The following SDR39U1 variants were observed in gnomAD, a reference collection of about 807,000 sequenced individuals.
SDR39U1 encodes the protein epimerase family protein SDR39U1.
SDR39U1 carries 29 observed loss-of-function variants against 31.7 expected under a neutral mutation model. The observed-to-expected ratio is 0.92, with a 90% CI of 0.68 to 1.25. SDR39U1 has a LOEUF of 1.25. Among genes scored for constraint, SDR39U1 ranks in the 50% most tolerant of loss-of-function variants. The probability of loss-of-function intolerance (pLI) is 0.00; values close to 1 mark genes in which losing one functional copy is unlikely to be tolerated. For synonymous variants in SDR39U1, 147 were observed against 159.0 expected (o/e 0.92, Z 0.57); for missense variants, 403 against 378.4 (o/e 1.06, Z -0.54).
intron 4 of SDR39U1, 138 bp from the exon 5 acceptor site, chr14:24,441,064 C>T (rs1222393294): frequency 1.0e-6 from 1 of 955,338 alleles, no homozygotes; most frequent in South Asian, 1.4e-5. Context: ...GGATATTTTC[C>T]CCTTGAACTT....
chr14:24,442,279 A>T lies in SDR39U1; in HGVS notation c.124-19T>A, dbSNP rs750253683. 100 of 1,604,882 alleles carry T rather than the reference A, an allele frequency of 6.2e-5. No individual in the cohort carries two copies. The highest frequency in any genetic ancestry group is 8.2e-5 in the Non-Finnish European group (96 of 1,176,446). On this transcript the variant is annotated intron_variant, in intron 2 of 5. Transcript: ENST00000399395. ...GCTCATCCTGTCGGAGAAAGCACAC[A>T]GTGCCCCTGCCCCGCCCTGCGCCGC...
At chr14:24,441,940 T>C (rs550809764) in intron 3 of SDR39U1, 145 bp from the exon 4 acceptor site, 1 of 1,342,318 alleles carries the variant, frequency 7.4e-7, no homozygotes, top group African/African-American at 1.4e-5. Context: ...ACGTCTCCTG[T>C]AGAGGGAAAG....
chr14:24,442,385 C>T lies in SDR39U1; in HGVS notation c.84G>A (p.Thr28=). 1 of 1,612,074 alleles carries T rather than the reference C, an allele frequency of 6.2e-7. No individual in the cohort carries two copies. The highest frequency in any genetic ancestry group is 8.5e-7 in the Non-Finnish European group (1 of 1,179,056). Residue 28 remains threonine (T), a synonymous_variant, in exon 2 of 6, where the codon ACG becomes ACA. Coordinates refer to ENST00000399395, the MANE Select transcript of SDR39U1 (RefSeq NM_020195.3). Reference sequence around the variant, plus strand: ...CGGGCCCGGGCTTTCGGGAGACCAACGTCACTTCGTGGCCTCTGGCATTCA... The same window carrying T: ...CGGGCCCGGGCTTTCGGGAGACCAATGTCACTTCGTGGCCTCTGGCATTCA... ...QLLNARGHEV[T]LVSRKPGPGR... is the part of the protein sequence containing the mutation.
rs370349450 is a variant in SDR39U1, at chr14:24,442,219, G to C, written c.165C>G (p.Ala55=). 1.2e-5 allele frequency: 19 copies of C among 1,611,758 alleles called. No homozygotes were observed. The East Asian group carries it at 2.7e-4, about 23-fold the overall frequency. Residue 55 remains alanine (A), a synonymous_variant, in exon 3 of 6, where the codon GCC becomes GCG. Transcript: ENST00000399395. The part of the protein sequence containing the change: ...AASGLPSCDA[A]VNLAGENILN... Reference sequence around the variant, plus strand: ...GGATGTTCTCTCCGGCCAGGTTGACGGCGGCATCGCAGCTCGGCAGCCCCG... The same window carrying C: ...GGATGTTCTCTCCGGCCAGGTTGACCGCGGCATCGCAGCTCGGCAGCCCCG...
rs748218061 is a variant in SDR39U1, at chr14:24,442,753, C to T, written c.16+1G>A. 2 of 1,614,066 alleles carry T rather than the reference C, an allele frequency of 1.2e-6. No individual in the cohort carries two copies. Among genetic ancestry groups the T allele is most frequent in the Admixed American group, 1.7e-5 (1 of 60,032 alleles). On this transcript the variant is annotated splice_donor_variant, in intron 1 of 5. Coordinates refer to ENST00000399395, the MANE Select transcript of SDR39U1 (RefSeq NM_020195.3). LOFTEE classifies it high-confidence loss of function. ...CACTCTCCCTTTCTGCCCTCCCTCA[C>T]CCACAAGCACACGCATAGCGACTAG...
intron 4 of SDR39U1, 81 bp downstream of exon 4, chr14:24,441,593 C>G: frequency 8.2e-7 from 1 of 1,222,762 alleles, no homozygotes; most frequent in Non-Finnish European, 1.1e-6. Flanking sequence ...GACCAGTGCT[C>G]TGGTGTGTGC....
In SDR39U1 at chr14:24,442,405, C is replaced by T. The variant is rs2043376765; in HGVS notation, c.64G>A (p.Ala22Thr). ...IGTALTQLLN[A>T]RGHEVTLVSR... ...ACCAACGTCACTTCGTGGCCTCTGGCATTCAGCAGCTGGGTTAGGGCTGTC... is the reference window on the plus strand; with the variant it reads ...ACCAACGTCACTTCGTGGCCTCTGGTATTCAGCAGCTGGGTTAGGGCTGTC... The change falls in exon 2 of 6, where the codon GCC becomes ACC. Residue 22 changes from alanine (A) to threonine (T), a missense_variant. Transcript: ENST00000399395. 2.5e-6 allele frequency: 4 copies of T among 1,611,436 alleles called. No individual in the cohort carries two copies. The South Asian group carries it at 3.3e-5, about 13-fold the overall frequency.
In SDR39U1 at chr14:24,440,324, A is replaced by C; in HGVS notation, c.641T>G (p.Val214Gly). 4 of 1,613,776 alleles carry C rather than the reference A, an allele frequency of 2.5e-6. No homozygotes were observed. Among genetic ancestry groups the C allele is most frequent in the Non-Finnish European group, 3.4e-6 (4 of 1,179,852 alleles). Residue 214 changes from valine (V) to glycine (G), a missense_variant, in exon 6 of 6, where the codon GTC (valine) becomes GGC (glycine). Physicochemically the swap from Val to Gly is moderately radical, Grantham distance 109. Coordinates refer to ENST00000399395, the MANE Select transcript of SDR39U1 (RefSeq NM_020195.3). ...GGAGGATGGAGCCACTCCATTCAGG[A>C]CCCCGTGCACGTGGTTTGCTTCAAG... ...HALEANHVHGVLNGVAPSSAT... is the reference protein window; with the variant it reads ...HALEANHVHGGLNGVAPSSAT...
At chr14:24,441,630 G>C (rs781238250) in intron 4 of SDR39U1, 44 bp downstream of exon 4, 2 of 1,523,512 alleles carry the variant, frequency 1.3e-6, no homozygotes, top group Non-Finnish European at 1.8e-6. Context: ...GAGTTACCCC[G>C]TTCCCCTGGC....
At chr14:24,442,818 C>G (rs780107233), upstream of SDR39U1, 17 of 1,607,994 alleles carry the variant, frequency 1.1e-5, no homozygotes, top group African/African-American at 2.1e-4. Context: ...TTTACCTCAC[C>G]TCAGACGCGA....
In SDR39U1 at chr14:24,442,460, GA is replaced by G; in HGVS notation, c.17-9del. The stretch of plus-strand genomic sequence containing the variant: ...TGAAGCCTGTCCCGCCACCTGATCG[GA>G]AAATACAAATTGTTTATATTCCCGT... On this transcript the variant is annotated splice_polypyrimidine_tract_variant and intron_variant, in intron 1 of 5. Transcript: ENST00000399395. 6.3e-7 allele frequency: 1 copy of G among 1,592,622 alleles called. No homozygotes were observed. The highest frequency in any genetic ancestry group is 1.1e-5 in the South Asian group (1 of 88,398).
In SDR39U1 at chr14:24,439,900, T is replaced by A. The variant is rs1566504793; in HGVS notation, c.*183A>T. On this transcript the variant is annotated 3_prime_UTR_variant, in exon 6 of 6. Coordinates refer to ENST00000399395, the MANE Select transcript of SDR39U1 (RefSeq NM_020195.3). ...TTACAAGGAGTTGAAAAGATTAATGTCCCAACCTGATGAGATTACGGCCTT... is the reference window on the plus strand; with the variant it reads ...TTACAAGGAGTTGAAAAGATTAATGACCCAACCTGATGAGATTACGGCCTT... 2 of 571,542 alleles carry A rather than the reference T, an allele frequency of 3.5e-6. No homozygotes were observed. The allele number at this position is 571,542 out of a possible 1,614,324, so 35.4% of individuals were successfully genotyped here.
chr14:24,441,802 G>A lies in SDR39U1; in HGVS notation c.207-7C>T. 1 of 1,604,392 alleles carries A rather than the reference G, an allele frequency of 6.2e-7. No homozygotes were observed. The highest frequency in any genetic ancestry group is 1.1e-5 in the South Asian group (1 of 89,330). ...TTGGAAGGTTTCATTCCATCTGCAGGAGAAACATGGGAAATAAAAAGCCAC... is the reference window on the plus strand; with the variant it reads ...TTGGAAGGTTTCATTCCATCTGCAGAAGAAACATGGGAAATAAAAAGCCAC... On this transcript the variant is annotated splice_region_variant and splice_polypyrimidine_tract_variant and intron_variant, in intron 3 of 5. Coordinates refer to ENST00000399395, the MANE Select transcript of SDR39U1 (RefSeq NM_020195.3).
At position 24,440,393 on chromosome 14, in the gene SDR39U1, G is replaced by A. The variant is rs773915053; in HGVS notation, c.572C>T (p.Pro191Leu). 6 of 1,613,956 alleles carry A rather than the reference G, an allele frequency of 3.7e-6. No individual in the cohort carries two copies. The East Asian group carries it at 1.1e-4, about 30-fold the overall frequency. Residue 191 changes from proline to leucine, a missense_variant, in exon 6 of 6, where the codon CCC becomes CTC. Transcript: ENST00000399395. ...GPIGSGHQFF[P>L]WIHIGDLAGI... ...TGCCAGGTCCCCGATGTGTATCCAG[G>A]GGAAGAATTGGTGGCCTGAGCCGAT...
chr14:24,441,544 C>G, intron 4 of SDR39U1, 130 bp downstream of exon 4: 1 of 710,874 alleles, frequency 1.4e-6, no homozygotes. Context: ...GAGAAACATG[C>G]ATGGATCAAG....
rs1232210097 is a variant in SDR39U1 at position 24,440,834 on chromosome 14, C to A, written c.421G>T (p.Ala141Ser). 2 of 1,613,680 alleles carry A rather than the reference C, an allele frequency of 1.2e-6. No homozygotes were observed. Among genetic ancestry groups the A allele is most frequent in the African/African-American group, 2.7e-5 (2 of 74,834 alleles). ...GAATCTCCAGGAAGCCTGGCTGCAG[C>A]TTCCCATTTGGTTACGAGGTTGGAG... ...FFSNLVTKWEAAARLPGDSTR... is the reference protein window; with the variant it reads ...FFSNLVTKWESAARLPGDSTR... Residue 141 changes from alanine to serine, a missense_variant, in exon 5 of 6, where the codon GCT (alanine) becomes TCT (serine). Transcript: ENST00000399395.
At chr14:24,442,292 C>A in intron 2 of SDR39U1, 32 bp from the exon 3 acceptor site, 1 of 1,600,136 alleles carries the variant, frequency 6.2e-7, no homozygotes, top group Non-Finnish European at 8.5e-7. Flanking sequence ...GCCCCTGCCC[C>A]GCCCTGCGCC....
At position 24,442,229 on chromosome 14, in the gene SDR39U1, C is replaced by T; in HGVS notation, c.155G>A (p.Cys52Tyr). 6.2e-7 allele frequency: 1 copy of T among 1,611,944 alleles called. No individual in the cohort carries two copies. Residue 52 changes from cysteine to tyrosine, a missense_variant, in exon 3 of 6, where the codon TGC becomes TAC. Cys to Tyr is a radical substitution (Grantham distance 194). Transcript: ENST00000399395. ...DELAASGLPS[C>Y]DAAVNLAGEN... is the part of the protein sequence containing the mutation. ...TCCGGCCAGGTTGACGGCGGCATCGCAGCTCGGCAGCCCCGATGCAGCGAG... is the reference window on the plus strand; with the variant it reads ...TCCGGCCAGGTTGACGGCGGCATCGTAGCTCGGCAGCCCCGATGCAGCGAG...
intron 4 of SDR39U1, chr14:24,441,236 T>G (rs2043329749): frequency 2.1e-6 from 1 of 485,490 alleles, no homozygotes; most frequent in African/African-American, 1.9e-5. Context: ...TGCAAGTTAC[T>G]TAACCTCTCT....
Sources: gnomAD v4.1 joint callset for allele counts on GRCh38, gnomAD v4.1.1 for gene constraint, MANE v1.5 for transcripts, NCBI Gene and HGNC (gene_info 2026-07-23, HGNC 2026-07-21) for gene names.